CPNE4: variants seen among roughly 807,000 people sequenced by gnomAD.
CPNE4 encodes copine-4.
In CPNE4, 25 loss-of-function variants were observed where a neutral mutation model predicts 67.9. The ratio of observed to expected loss-of-function variants is 0.37; its 90% confidence interval spans 0.27 to 0.51. The LOEUF (loss-of-function observed/expected upper bound fraction) is 0.51, where lower values mean the gene tolerates loss of function less well. Among genes scored for constraint, CPNE4 ranks in the 20% least tolerant of loss-of-function variants. CPNE4 has a pLI of 0.93. For missense variants in CPNE4, 464 were observed against 690.8 expected, an observed-to-expected ratio of 0.67 and a Z score of 3.68; for synonymous variants, 242 against 244.9, an observed-to-expected ratio of 0.99 and a Z score of 0.11.
At chr3:131,657,390 C>T (rs1026607747) in intron 7 of CPNE4, among the ~76,000 whole-genome samples, 1 of 152,080 alleles carries the variant, frequency 6.6e-6, no homozygotes, top group South Asian at 2.1e-4. Flanking sequence ...ATTTTTGATA[C>T]ATATTCATTT....
At chr3:131,575,393 A>T (rs1262021187) in intron 9 of CPNE4, among the ~76,000 whole-genome samples, 16 of 152,178 alleles carry the variant, frequency 1.1e-4, no homozygotes, top group African/African-American at 3.9e-4. Flanking sequence ...TAATCAGCTT[A>T]TGCCTCTGAA....
chr3:131,717,807 T>C (rs189853662), intron 3 of CPNE4, among the ~76,000 whole-genome samples: 12 of 152,240 alleles, frequency 7.9e-5, no homozygotes, highest in Admixed American at 3.3e-4. Flanking sequence ...CCACCGTTTA[T>C]GGGGAATGCC....
At chr3:131,673,256 G>A (rs2080470697) in intron 6 of CPNE4, among the ~76,000 whole-genome samples, 2 of 151,986 alleles carry the variant, frequency 1.3e-5, no homozygotes, top group Non-Finnish European at 2.9e-5. Context: ...ATAAATTGAA[G>A]TCAGGTAATG....
At chr3:131,988,760 A>T (rs1306116236) in intron 1 of CPNE4, among the ~76,000 whole-genome samples, 1 of 152,196 alleles carries the variant, frequency 6.6e-6, no homozygotes, top group Non-Finnish European at 1.5e-5. Flanking sequence ...ATAGTTTTCC[A>T]AATATAAGAT....
chr3:131,681,867 C>G (rs1013232662), intron 6 of CPNE4, among the ~76,000 whole-genome samples: 3 of 151,946 alleles, frequency 2.0e-5, no homozygotes, highest in Admixed American at 6.6e-5. Flanking sequence ...AATAGCCTAT[C>G]TTCAAGCTAA....
At chr3:131,986,084 T>G (rs373445520) in intron 1 of CPNE4, among the ~76,000 whole-genome samples, 6 of 152,138 alleles carry the variant, frequency 3.9e-5, no homozygotes, top group African/African-American at 1.2e-4. Context: ...AATGGTAAAT[T>G]TGAGGTTAGG....
intron 2 of CPNE4, among the ~76,000 whole-genome samples, chr3:131,890,686 A>T (rs1365676459): frequency 6.6e-6 from 1 of 152,190 alleles, no homozygotes; most frequent in African/African-American, 2.4e-5. Context: ...CAAAATATGG[A>T]AACAATCCAA....
intron 7 of CPNE4, among the ~76,000 whole-genome samples, chr3:131,631,629 A>G (rs61013739): frequency 0.28 from 41,932 of 152,084 alleles, 9,516 homozygotes; most frequent in African/African-American, 0.63. Context: ...GTTAATAATA[A>G]GGGATCATTG....
At chr3:131,955,429 T>TTTTTTTTTTTTTTTTTTTTTTTTTC (rs57945572) in intron 1 of CPNE4, among the ~76,000 whole-genome samples, 2 of 136,650 alleles carry the variant, frequency 1.5e-5, no homozygotes, top group African/African-American at 5.7e-5. Flanking sequence ...TTTTTTTTTT[T>TTTTTTTTTTTTTTTTTTTTTTTTTC]TTTTTGTATG....
At chr3:132,033,422 TG>T (rs1273606057) in intron 1 of CPNE4, among the ~76,000 whole-genome samples, 7 of 151,974 alleles carry the variant, frequency 4.6e-5, no homozygotes, top group African/African-American at 1.4e-4. Context: ...TGTGTGTGTG[TG>T]TGTGTAGAGG....
intron 1 of CPNE4, among the ~76,000 whole-genome samples, chr3:132,024,704 AC>A (rs2074080494): frequency 6.6e-6 from 1 of 152,214 alleles, no homozygotes; most frequent in South Asian, 2.1e-4. Context: ...ACAGCACATT[AC>A]ATGATACATG....
chr3:131,912,938 A>G (rs2089038271), intron 1 of CPNE4, among the ~76,000 whole-genome samples: 1 of 152,132 alleles, frequency 6.6e-6, no homozygotes, highest in African/African-American at 2.4e-5. Flanking sequence ...GTACAAACCA[A>G]GCATCTATAA....
chr3:131,555,522 C>A lies in CPNE4; in HGVS notation c.1091G>T (p.Gly364Val). The change falls in exon 12 of 16, where the codon GGC becomes GTC. Residue 364 changes from glycine to valine, a missense_variant. Coordinates refer to ENST00000429747, the MANE Select transcript of CPNE4 (RefSeq NM_130808.3). ...CGTGTACTCTGGAGGTATCCTGGCG[C>A]CAAACCCAAAGGCAGGGAACATTTT... ...SDKMFPAFGF[G>V]ARIPPEYTVS... 1 of 1,612,634 alleles carries A rather than the reference C, an allele frequency of 6.2e-7. No individual in the cohort carries two copies. The highest frequency in any genetic ancestry group is 8.5e-7 in the Non-Finnish European group (1 of 1,179,262).
intron 3 of CPNE4, among the ~76,000 whole-genome samples, chr3:131,706,944 A>G (rs988733127): frequency 4.6e-5 from 7 of 152,144 alleles, no homozygotes; most frequent in African/African-American, 1.7e-4. Context: ...TGTATATCTT[A>G]CATGTATTGA....
At chr3:131,858,110 T>G (rs1313979470) in intron 2 of CPNE4, among the ~76,000 whole-genome samples, 5 of 152,136 alleles carry the variant, frequency 3.3e-5, no homozygotes, top group Non-Finnish European at 7.4e-5. Context: ...AATTATATCT[T>G]CAAACTTCTC....
intron 2 of CPNE4, among the ~76,000 whole-genome samples, chr3:131,772,713 T>A (rs944862665): frequency 5.9e-5 from 9 of 152,122 alleles, no homozygotes. Context: ...TCACAGCATG[T>A]CATTTAATAT....
chr3:131,783,668 C>A (rs969435626), intron 2 of CPNE4, among the ~76,000 whole-genome samples: 1 of 151,960 alleles, frequency 6.6e-6, no homozygotes, highest in African/African-American at 2.4e-5. Context: ...ATATTGATAT[C>A]CTCTTATTAA....
At chr3:132,011,688 A>G (rs1343952728) in intron 1 of CPNE4, among the ~76,000 whole-genome samples, 1 of 152,230 alleles carries the variant, frequency 6.6e-6, no homozygotes, top group Non-Finnish European at 1.5e-5. Flanking sequence ...AAAGCAACTC[A>G]TAACATTTTT....
intron 3 of CPNE4, among the ~76,000 whole-genome samples, chr3:131,712,885 C>T (rs923368122): frequency 2.0e-5 from 3 of 152,218 alleles, no homozygotes; most frequent in African/African-American, 7.2e-5. Flanking sequence ...ATTAGATTTA[C>T]AGCCAGTACT....
Sources: allele counts gnomAD v4.1 joint callset (sites outside exome capture counted in the v4.1 genomes callset), GRCh38; gene constraint gnomAD v4.1.1; transcripts MANE v1.5; gene names NCBI Gene and HGNC (gene_info 2026-07-23, HGNC 2026-07-21).